HHAT: variants seen among roughly 807,000 people sequenced by gnomAD.
The protein encoded by HHAT is protein-cysteine N-palmitoyltransferase HHAT.
HHAT carries 47 observed loss-of-function variants against 70.8 expected under a neutral mutation model. The ratio of observed to expected loss-of-function variants is 0.66; its 90% CI spans 0.53 to 0.85. The LOEUF is 0.85. Among genes scored for constraint, HHAT ranks in the 40% least tolerant of loss-of-function variants. The pLI is 0.00. For synonymous variants in HHAT, 228 were observed against 247.6 expected (o/e 0.92, Z 0.74); for missense variants, 609 against 604.8 (o/e 1.01, Z -0.07).
Position 210,675,301 on chromosome 1 carries a change from A to T in HHAT, c.*922A>T, listed in dbSNP as rs1680935877. The T allele has an allele frequency of 6.6e-6, 1 of 152,218 alleles. No individual in the cohort carries two copies. The highest frequency in any genetic ancestry group is 1.5e-5 in the Non-Finnish European group (1 of 68,030). 9.4% of individuals were successfully genotyped at this position (152,218 alleles called of 1,614,324 possible). A position where few individuals can be genotyped will look rare whatever the true frequency, so the allele number is the denominator to read the frequency against. ...TCAAACAGAGCCTTTTCTGTCCTGTAGATAATCTACATGTTTGTAGAATTA... is the reference window on the plus strand; with the variant it reads ...TCAAACAGAGCCTTTTCTGTCCTGTTGATAATCTACATGTTTGTAGAATTA... On this transcript the variant is annotated 3_prime_UTR_variant, in exon 12 of 12. Coordinates refer to ENST00000261458, the MANE Select transcript of HHAT (RefSeq NM_018194.6).
At chr1:210,342,367 A>C (rs149382872) in intron 1 of HHAT, among the ~76,000 whole-genome samples, 12 of 152,296 alleles carry the variant, frequency 7.9e-5, no homozygotes, top group African/African-American at 2.6e-4. Flanking sequence ...TGAACCATCC[A>C]CACTTTATCT....
intron 9 of HHAT, among the ~76,000 whole-genome samples, chr1:210,576,530 G>A (rs190194361): frequency 7.5e-6 from 1 of 133,874 alleles, no homozygotes. Context: ...GTCGGGGGAG[G>A]GGGGAGGGAT....
intron 8 of HHAT, among the ~76,000 whole-genome samples, chr1:210,488,479 C>T (rs2094504894): frequency 6.6e-6 from 1 of 152,172 alleles, no homozygotes; most frequent in Admixed American, 6.5e-5. Flanking sequence ...AACAGAAGTT[C>T]CATGAGAATG....
chr1:210,660,488 C>T (rs1677439325), intron 11 of HHAT, among the ~76,000 whole-genome samples: 1 of 152,136 alleles, frequency 6.6e-6, no homozygotes, highest in Non-Finnish European at 1.5e-5. Flanking sequence ...TGCCATACTG[C>T]CCAAGGTAAT....
chr1:210,358,900 C>G (rs2087944897), intron 2 of HHAT, among the ~76,000 whole-genome samples: 1 of 152,206 alleles, frequency 6.6e-6, no homozygotes, highest in East Asian at 1.9e-4. Context: ...TTTACCACCA[C>G]AGCTCATTGG....
At chr1:210,350,656 T>C (rs1463169597) in intron 2 of HHAT, among the ~76,000 whole-genome samples, 1 of 152,242 alleles carries the variant, frequency 6.6e-6, no homozygotes, top group Non-Finnish European at 1.5e-5. Flanking sequence ...AGTTTTTCTG[T>C]CAGTTCTTTC....
chr1:210,528,188 G>A (rs1023234751), intron 9 of HHAT, among the ~76,000 whole-genome samples: 15 of 152,210 alleles, frequency 9.9e-5, no homozygotes, highest in African/African-American at 3.4e-4. Flanking sequence ...TCCTACAAGT[G>A]TGTGTCACAA....
chr1:210,559,121 A>C (rs1206687408), intron 9 of HHAT, among the ~76,000 whole-genome samples: 1 of 152,262 alleles, frequency 6.6e-6, no homozygotes, highest in Non-Finnish European at 1.5e-5. Flanking sequence ...CTTATAAGGC[A>C]GAATCCATAT....
chr1:210,390,013 A>G (rs1299835285), intron 4 of HHAT, among the ~76,000 whole-genome samples: 3 of 152,226 alleles, frequency 2.0e-5, no homozygotes. Flanking sequence ...TTCATTGGTT[A>G]GACATTTCAT....
intron 9 of HHAT, among the ~76,000 whole-genome samples, chr1:210,574,119 G>C (rs1478944310): frequency 2.0e-5 from 3 of 152,194 alleles, no homozygotes; most frequent in African/African-American, 7.2e-5. Flanking sequence ...GTACTAAAGA[G>C]CAGCATATCA....
chr1:210,501,919 A>G (rs937408507), intron 8 of HHAT, among the ~76,000 whole-genome samples: 1 of 151,368 alleles, frequency 6.6e-6, no homozygotes, highest in Non-Finnish European at 1.5e-5. Context: ...TGACCATCTT[A>G]TTGGATGCCT....
At chr1:210,389,527 C>G (rs2091311817) in intron 4 of HHAT, among the ~76,000 whole-genome samples, 1 of 152,236 alleles carries the variant, frequency 6.6e-6, no homozygotes, top group Non-Finnish European at 1.5e-5. Context: ...AGACTTCCCC[C>G]TTATTGTTCT....
At chr1:210,360,843 TCA>T (rs1301263469) in intron 2 of HHAT, among the ~76,000 whole-genome samples, 4 of 110,834 alleles carry the variant, frequency 3.6e-5, no homozygotes, top group Non-Finnish European at 5.4e-5. Context: ...ATAATTAACT[TCA>T]CTTTTTTTTT....
At chr1:210,623,919 T>A (rs753452295) in intron 11 of HHAT, among the ~76,000 whole-genome samples, 3 of 152,148 alleles carry the variant, frequency 2.0e-5, no homozygotes, top group Non-Finnish European at 4.4e-5. Flanking sequence ...TTATTCCAAC[T>A]CTCCCAAAGT....
intron 9 of HHAT, among the ~76,000 whole-genome samples, chr1:210,575,510 T>TAG (rs1420924896): frequency 6.6e-6 from 1 of 152,154 alleles, no homozygotes; most frequent in Non-Finnish European, 1.5e-5. Context: ...CTGGGAGCCC[T>TAG]GGGGATGCTG....
intron 11 of HHAT, among the ~76,000 whole-genome samples, chr1:210,629,152 C>T (rs1019111954): frequency 1.3e-5 from 2 of 152,194 alleles, no homozygotes; most frequent in Non-Finnish European, 2.9e-5. Context: ...ATCATTGGTC[C>T]ATTTATGACC....
Position 210,340,790 on chromosome 1 carries a change from T to A in HHAT, c.-43-8143T>A, listed in dbSNP as rs140526362. Among the ~76,000 whole-genome samples, 691 of 152,344 alleles carry A rather than the reference T, an allele frequency of 4.5e-3. 3 individuals carry two copies. Among genetic ancestry groups the A allele is most frequent in the Middle Eastern group, 0.017 (5 of 294 alleles). ...ATTTAGACCACTTATATTCTAGCTT[T>A]CCTAATGGATTGATTTCATTATAGA... On this transcript the variant is annotated intron_variant, in intron 1 of 11. Transcript: ENST00000261458.
chr1:210,649,393 G>A (rs1674679756), intron 11 of HHAT, among the ~76,000 whole-genome samples: 1 of 152,266 alleles, frequency 6.6e-6, no homozygotes, highest in Non-Finnish European at 1.5e-5. Context: ...CTCCTAAAGA[G>A]TAGGCTGGAG....
chr1:210,528,171 C>G (rs1184238958), intron 9 of HHAT, among the ~76,000 whole-genome samples: 1 of 152,088 alleles, frequency 6.6e-6, no homozygotes, highest in Admixed American at 6.6e-5. Flanking sequence ...GAGAGAGAGA[C>G]ACATGGTCCT....
Sources: allele counts gnomAD v4.1 joint callset (sites outside exome capture counted in the v4.1 genomes callset), GRCh38; gene constraint gnomAD v4.1.1; transcripts MANE v1.5; gene names NCBI Gene and HGNC (gene_info 2026-07-23, HGNC 2026-07-21).